BLTP3B: variants seen among roughly 807,000 people sequenced by gnomAD.
The protein encoded by BLTP3B is bridge-like lipid transfer protein family member 3B, also known as UHRF1 (ICBP90) binding protein 1-like.
chr12:100,085,331 C>T, the BLTP3B span, among the ~76,000 whole-genome samples: 5 of 149,914 alleles, frequency 3.3e-5, no homozygotes, highest in Admixed American at 6.7e-5. Context: ...CCACTGCACT[C>T]GTGAGGCCTT....
the BLTP3B span, among the ~76,000 whole-genome samples, chr12:100,124,959 TATATATATATATATA>T: frequency 1.9e-5 from 2 of 106,176 alleles, no homozygotes; most frequent in African/African-American, 8.2e-5. Flanking sequence ...TATATATATA[TATATATATATATATA>T]TATATTTATA....
At chr12:100,059,508 G>T in the BLTP3B span, 1 of 1,600,748 alleles carries the variant, frequency 6.2e-7, no homozygotes, top group Non-Finnish European at 8.5e-7. Flanking sequence ...ATGACATTCA[G>T]ATTTCACTTC....
At chr12:100,124,424 AG>A in the BLTP3B span, among the ~76,000 whole-genome samples, 2 of 151,906 alleles carry the variant, frequency 1.3e-5, no homozygotes, top group African/African-American at 4.8e-5. Context: ...GGCAACACAG[AG>A]ATCCTGTCTC....
the BLTP3B span, chr12:100,142,510 C>T: frequency 2.7e-6 from 4 of 1,492,530 alleles, no homozygotes; most frequent in Non-Finnish European, 3.6e-6. Context: ...CGCCAGGCGC[C>T]GCCGCCCCCG....
At chr12:100,108,538 T>G in the BLTP3B span, 6 of 1,605,702 alleles carry the variant, frequency 3.7e-6, no homozygotes, top group Non-Finnish European at 4.2e-6. Context: ...GGAGATAAAT[T>G]TTTGGTAAAT....
the BLTP3B span, chr12:100,103,880 A>T: frequency 1.0e-5 from 16 of 1,557,366 alleles, no homozygotes; most frequent in African/African-American, 1.8e-4. Context: ...TATATATATA[A>T]ATGTTTATTT....
chr12:100,060,619 T>C, the BLTP3B span, among the ~76,000 whole-genome samples: 2 of 152,192 alleles, frequency 1.3e-5, no homozygotes, highest in East Asian at 3.8e-4. Flanking sequence ...ATAATAGTGC[T>C]TGGAGTAATG....
chr12:100,080,561 C>T, the BLTP3B span, among the ~76,000 whole-genome samples: 2 of 152,192 alleles, frequency 1.3e-5, no homozygotes, highest in Admixed American at 6.5e-5. Flanking sequence ...TGCATGGGGC[C>T]TGTAGCCCCT....
At chr12:100,128,480 A>C in the BLTP3B span, 3 of 953,900 alleles carry the variant, frequency 3.1e-6, no homozygotes, top group Non-Finnish European at 3.9e-6. Context: ...TGACTAAAAC[A>C]GTAAGAAAAT....
At chr12:100,065,519 G>T in the BLTP3B span, among the ~76,000 whole-genome samples, 1 of 152,224 alleles carries the variant, frequency 6.6e-6, no homozygotes, top group Middle Eastern at 3.4e-3. Context: ...TTCCTGGGGG[G>T]AGGTCTATAA....
At chr12:100,057,776 CAT>C in the BLTP3B span, 1 of 1,538,352 alleles carries the variant, frequency 6.5e-7, no homozygotes, top group Non-Finnish European at 8.7e-7. Context: ...AAAATTATTA[CAT>C]ATAGAGAAAA....
the BLTP3B span, chr12:100,060,040 G>A: frequency 6.3e-7 from 1 of 1,575,810 alleles, no homozygotes; most frequent in Non-Finnish European, 8.6e-7. Flanking sequence ...GTTGGGAGAT[G>A]GAACTGTGGA....
At chr12:100,095,767 T>C in the BLTP3B span, 1 of 1,613,778 alleles carries the variant, frequency 6.2e-7, no homozygotes, top group Non-Finnish European at 8.5e-7. Context: ...CAACTGGGAA[T>C]CAGTCAAAAC....
chr12:100,085,448 G>C, the BLTP3B span, among the ~76,000 whole-genome samples: 57 of 151,970 alleles, frequency 3.8e-4, no homozygotes, highest in Non-Finnish European at 6.3e-4. Flanking sequence ...TTATGAGTCA[G>C]GACGATAGTA....
the BLTP3B span, among the ~76,000 whole-genome samples, chr12:100,040,272 T>A: frequency 6.6e-6 from 1 of 152,322 alleles, no homozygotes; most frequent in East Asian, 1.9e-4. Context: ...GGCTCATGTC[T>A]GTAATCCCAG....
chr12:100,141,616 A>G, the BLTP3B span, among the ~76,000 whole-genome samples: 1 of 152,164 alleles, frequency 6.6e-6, no homozygotes, highest in Non-Finnish European at 1.5e-5. Flanking sequence ...TATGTTTACT[A>G]TACAAGTCTA....
the BLTP3B span, chr12:100,103,869 G>A: frequency 6.8e-7 from 1 of 1,466,732 alleles, no homozygotes; most frequent in Non-Finnish European, 9.2e-7. Flanking sequence ...GCTAGATAAT[G>A]TATATATATA....
chr12:100,078,243 ACT>A, the BLTP3B span, among the ~76,000 whole-genome samples: 1 of 151,194 alleles, frequency 6.6e-6, no homozygotes, highest in East Asian at 2.0e-4. Flanking sequence ...TCCCTGCGCC[ACT>A]CTCTGTCTTG....
At chr12:100,085,767 TTTCA>T in the BLTP3B span, among the ~76,000 whole-genome samples, 1 of 152,132 alleles carries the variant, frequency 6.6e-6, no homozygotes, top group African/African-American at 2.4e-5. Flanking sequence ...TTTTTTTTCT[TTTCA>T]TTATTTGGGA....
Sources: allele counts gnomAD v4.1 joint callset (sites outside exome capture counted in the v4.1 genomes callset), GRCh38; gene constraint gnomAD v4.1.1; transcripts MANE v1.5; gene names NCBI Gene and HGNC (gene_info 2026-07-23, HGNC 2026-07-21).